NUP85: variants seen among roughly 807,000 people sequenced by gnomAD.
The protein encoded by NUP85 is nuclear pore complex protein Nup85.
Under a neutral mutation model 92.8 loss-of-function variants are expected in NUP85, and 23 were observed. That is an observed-to-expected ratio of 0.25 (90% CI 0.18 to 0.35). NUP85 has a LOEUF of 0.35. Among genes scored for constraint, NUP85 ranks in the 10% least tolerant of loss-of-function variants. NUP85 has a pLI of 1.00. For missense variants in NUP85, 759 were observed against 822.8 expected (o/e 0.92, Z 0.95); for synonymous variants, 314 against 306.9 (o/e 1.02, Z -0.24).
At chr17:75,215,488 GAA>G (rs2075402862) in intron 5 of NUP85, among the ~76,000 whole-genome samples, 1 of 152,218 alleles carries the variant, frequency 6.6e-6, no homozygotes, top group Non-Finnish European at 1.5e-5. Flanking sequence ...GGGATTACAG[GAA>G]TGAGCCACTG....
chr17:75,209,237 G>A (rs901004667), intron 2 of NUP85, among the ~76,000 whole-genome samples: 3 of 152,090 alleles, frequency 2.0e-5, no homozygotes, highest in African/African-American at 7.2e-5. Context: ...CATGGATTCA[G>A]CTGAATAATA....
In NUP85 at chr17:75,212,247, G is replaced by GTTTTTTTTTGTTTTTT. The variant is rs2075294230; in HGVS notation, c.361+194_361+195insGTTTTTTTTTTTTTTT. 8.2e-4 allele frequency among the ~76,000 whole-genome samples: 3 copies of GTTTTTTTTTGTTTTTT among 3,670 alleles called. 1 individual carries two copies. The highest frequency in any genetic ancestry group is 8.8e-3 in the Admixed American group (2 of 228). 2.4% of individuals were successfully genotyped at this position (3,670 alleles called of 152,430 possible). ...TTTAGAGGTTTTTTTTTTTGTTGTT[G>GTTTTTTTTTGTTTTTT]TTTTTTTTTTTTTTTTTTTTTTTTT... On this transcript the variant is annotated intron_variant, in intron 4 of 18. Coordinates refer to ENST00000245544, the MANE Select transcript of NUP85 (RefSeq NM_024844.5).
chr17:75,221,665 G>A (rs760055915), intron 7 of NUP85, among the ~76,000 whole-genome samples: 6 of 152,150 alleles, frequency 3.9e-5, no homozygotes, highest in African/African-American at 1.2e-4. Flanking sequence ...AAATGTGGGT[G>A]AAGTAGTTGA....
rs761448078 is a variant in NUP85 at position 75,212,093 on chromosome 17, T to C, written c.361+31T>C. On this transcript the variant is annotated intron_variant, in intron 4 of 18. Coordinates refer to ENST00000245544, the MANE Select transcript of NUP85 (RefSeq NM_024844.5). ...GACTGTGTGCGCGTGCGCGCGTGTG[T>C]GTGTGTGTGTGTGTGTGGGTATTTT... 3.8e-4 allele frequency: 509 copies of C among 1,347,928 alleles called. 2 individuals carry two copies. The East Asian group carries it at 6.3e-3, about 17-fold the overall frequency. 83.5% of individuals were successfully genotyped at this position (1,347,928 alleles called of 1,614,324 possible).
At chr17:75,235,298 T>C (rs1042293187) in intron 18 of NUP85, 97 bp downstream of exon 18, 9 of 801,740 alleles carry the variant, frequency 1.1e-5, no homozygotes, top group Non-Finnish European at 1.8e-5. Context: ...CTGGCTCCTA[T>C]GGACACATGT....
Position 75,231,590 on chromosome 17 carries a change from G to A in NUP85, c.1196G>A (p.Arg399Lys), listed in dbSNP as rs142625251. The A allele has an allele frequency of 1.5e-5, 25 of 1,614,088 alleles. No individual in the cohort carries two copies. The African/African-American group carries it at 3.3e-4, about 22-fold the overall frequency. Residue 399 changes from arginine to lysine, a missense_variant, in exon 13 of 19, where the codon AGA becomes AAA. Coordinates refer to ENST00000245544, the MANE Select transcript of NUP85 (RefSeq NM_024844.5). The surrounding 1 kb of genome is among the most constrained non-coding windows in gnomAD (Gnocchi z 4.6). ...TATTCCAGTTTCGGTTCCAACATGA[G>A]AGAGTTCCTCCTGCTGGAGTACGCC... is the stretch of plus-strand genomic sequence containing the variant. ...SHNLYFGSNM[R>K]EFLLLEYASG...
In NUP85 at chr17:75,231,294, G is replaced by T. The variant is rs1340875169; in HGVS notation, c.1095-46G>T. The T allele has an allele frequency of 1.3e-6, 2 of 1,595,374 alleles. No individual in the cohort carries two copies. Among genetic ancestry groups the T allele is most frequent in the Non-Finnish European group, 8.6e-7 (1 of 1,163,206 alleles). ...CTCACCCCCACTCTTGTGGGACGCG[G>T]CCTGTGCCCTGATTTTCCTTCTTGC... On this transcript the variant is annotated intron_variant, in intron 11 of 18. Transcript: ENST00000245544. This position sits in a 1 kb window ranked among gnomAD's most constrained non-coding sequence, Gnocchi z 4.6.
At chr17:75,232,781 C>T in intron 14 of NUP85, 70 bp from the exon 15 acceptor site, 1 of 1,401,964 alleles carries the variant, frequency 7.1e-7, no homozygotes, top group Non-Finnish European at 1.0e-6. Context: ...CCACTCCGGT[C>T]CCCACAGGGC....
intron 16 of NUP85, among the ~76,000 whole-genome samples, chr17:75,234,018 G>A (rs1218915136): frequency 6.6e-6 from 1 of 151,036 alleles, no homozygotes; most frequent in East Asian, 2.0e-4. Flanking sequence ...ACAGGTGTGA[G>A]CTACTGTGCC....
At chr17:75,226,602 G>A (rs1369148648) in intron 11 of NUP85, 31 of 315,470 alleles carry the variant, frequency 9.8e-5, no homozygotes, top group Non-Finnish European at 1.9e-4. Flanking sequence ...GCAAAACTGG[G>A]GTTTTAGAGG....
Position 75,231,249 on chromosome 17 carries a change from A to T in NUP85, c.1095-91A>T. ...GCCCGGCCCCATCTCTTTGAGGGAC[A>T]GGACATGTGGGGTTTCTTGCTCACC... On this transcript the variant is annotated intron_variant, in intron 11 of 18. Transcript: ENST00000245544. The surrounding 1 kb of genome is among the most constrained non-coding windows in gnomAD (Gnocchi z 4.6). The T allele has an allele frequency of 8.3e-7, 1 of 1,199,938 alleles. No homozygotes were observed. The allele number at this position is 1,199,938 out of a possible 1,614,324, so 74.3% of individuals were successfully genotyped here. A position where few individuals can be genotyped will look rare whatever the true frequency, so the allele number is the denominator to read the frequency against.
At chr17:75,217,268 C>T (rs560618753) in intron 6 of NUP85, among the ~76,000 whole-genome samples, 1 of 151,960 alleles carries the variant, frequency 6.6e-6, no homozygotes, top group East Asian at 1.9e-4. Context: ...CTATGTTGCC[C>T]GGGCTGTTCT....
intron 3 of NUP85, 113 bp downstream of exon 3, chr17:75,210,098 C>T (rs1189114870): frequency 1.9e-6 from 2 of 1,059,540 alleles, no homozygotes; most frequent in Non-Finnish European, 2.7e-6. Context: ...ATAAGAGACT[C>T]CTGGTTCTAG....
chr17:75,232,243 A>G (rs1598348102), intron 14 of NUP85: 1 of 454,792 alleles, frequency 2.2e-6, no homozygotes, highest in East Asian at 4.3e-5. Context: ...ACTTGATTCC[A>G]CGAGGTCAGG....
At chr17:75,210,853 C>T (rs2075235621) in intron 3 of NUP85, among the ~76,000 whole-genome samples, 1 of 151,852 alleles carries the variant, frequency 6.6e-6, no homozygotes, top group African/African-American at 2.4e-5. Flanking sequence ...AGGCGCCTGC[C>T]ACCACATCCG....
intron 3 of NUP85, 74 bp from the exon 4 acceptor site, chr17:75,211,918 T>G: frequency 8.5e-7 from 1 of 1,170,924 alleles, no homozygotes; most frequent in Non-Finnish European, 1.3e-6. Context: ...TCTGCATTTA[T>G]TTGAGTGTTT....
chr17:75,223,132 A>T (rs553242357), intron 7 of NUP85, among the ~76,000 whole-genome samples: 1 of 152,064 alleles, frequency 6.6e-6, no homozygotes, highest in Admixed American at 6.6e-5. Context: ...ACTTAGCAAC[A>T]CTAGAAAGCA....
intron 4 of NUP85, 21 bp downstream of exon 4, chr17:75,212,083 C>CGT (rs1555660402): frequency 1.3e-4 from 125 of 941,736 alleles, no homozygotes; most frequent in African/African-American, 1.2e-3. Context: ...TGTGCGCGTG[C>CGT]GCGCGTGTGT....
intron 7 of NUP85, among the ~76,000 whole-genome samples, chr17:75,220,669 C>T (rs1305527648): frequency 6.8e-6 from 1 of 148,084 alleles, no homozygotes; most frequent in South Asian, 2.1e-4. Flanking sequence ...TTCACTGCAA[C>T]CTCTGCCTCC....
Sources: gnomAD v4.1 joint callset for allele counts (sites outside exome capture counted in the v4.1 genomes callset) on GRCh38, gnomAD v4.1.1 for gene constraint, Gnocchi (gnomAD v3.1) non-coding constraint, MANE v1.5 for transcripts, NCBI Gene and HGNC (gene_info 2026-07-23, HGNC 2026-07-21) for gene names.